The following SERHL2 variants were observed in gnomAD, a reference collection of about 807,000 sequenced individuals.
SERHL2 encodes serine hydrolase-like protein 2.
SERHL2 carries 29 observed loss-of-function variants against 25.5 expected under a neutral mutation model. The observed-to-expected ratio is 1.14, with a 90% CI of 0.85 to 1.55. The LOEUF is 1.55. Ranked by LOEUF, SERHL2 falls within the 40% of genes most tolerant of loss-of-function variation. The pLI is 0.00. For missense variants in SERHL2, 240 were observed against 252.3 expected, an observed-to-expected ratio of 0.95 and a Z score of 0.33; for synonymous variants, 95 against 103.5, an observed-to-expected ratio of 0.92 and a Z score of 0.50.
Position 42,573,968 on chromosome 22 carries a change from C to G in SERHL2, c.858C>G (p.His286Gln), listed in dbSNP as rs773799537. The G allele has an allele frequency of 2.5e-5, 39 of 1,588,530 alleles. No homozygotes were observed. The highest frequency in any genetic ancestry group is 3.4e-5 in the Non-Finnish European group (39 of 1,159,262). ...AGTTTGTGGAAGTCCCAGGCAATCA[C>G]TGTGTCCACATGAGCGAACCCCAGC... ...QFQFVEVPGN[H>Q]CVHMSEPQHV... The change falls in exon 12 of 12, where the codon CAC becomes CAG. Residue 286 changes from histidine (H) to glutamine (Q), a missense_variant. His to Gln is a conservative substitution (Grantham distance 24). This residue lies in a region of SERHL2 where 212 missense variants were observed against 168.9 expected (regional missense o/e 1.25). Coordinates refer to ENST00000327678, the MANE Select transcript of SERHL2 (RefSeq NM_014509.5).
At chr22:42,566,380 G>GT (rs1343638509) in intron 9 of SERHL2, 42 bp downstream of exon 9, 1 of 1,603,008 alleles carries the variant, frequency 6.2e-7, no homozygotes, top group East Asian at 2.2e-5. Flanking sequence ...AGGTTTGCCT[G>GT]TTAGCGTCTT....
intron 1 of SERHL2, 137 bp downstream of exon 1, chr22:42,554,179 CG>C (rs1314970701): frequency 2.7e-6 from 3 of 1,123,994 alleles, no homozygotes; most frequent in Non-Finnish European, 3.8e-6. Context: ...TCGGCAGTCC[CG>C]GGGCATGAGA....
Position 42,556,648 on chromosome 22 carries a change from T to G in SERHL2, c.423+60T>G. 11 of 1,374,572 alleles carry G rather than the reference T, an allele frequency of 8.0e-6. No homozygotes were observed. The South Asian group carries it at 1.4e-4, about 17-fold the overall frequency. The allele number at this position is 1,374,572 out of a possible 1,614,324, so 85.1% of individuals were successfully genotyped here. ...GGAGGACCTGGGCCCCGGGCAGCGC[T>G]CCCAGCCCTGTCTCCTTTGGTGGAC... On this transcript the variant is annotated intron_variant, in intron 6 of 11. Coordinates refer to ENST00000327678, the MANE Select transcript of SERHL2 (RefSeq NM_014509.5).
chr22:42,565,859 T>C (rs1464173380), intron 8 of SERHL2, among the ~76,000 whole-genome samples: 1 of 151,798 alleles, frequency 6.6e-6, no homozygotes, highest in Non-Finnish European at 1.5e-5. Flanking sequence ...TAGTGGTTTT[T>C]GTTTGATTTT....
intron 8 of SERHL2, among the ~76,000 whole-genome samples, chr22:42,562,827 TGA>T (rs1569277091): frequency 6.6e-6 from 1 of 151,918 alleles, no homozygotes; most frequent in Non-Finnish European, 1.5e-5. Flanking sequence ...GAAACCATCT[TGA>T]GGTGTTCCCA....
At chr22:42,567,405 C>T (rs1180174155) in intron 9 of SERHL2, among the ~76,000 whole-genome samples, 1 of 151,870 alleles carries the variant, frequency 6.6e-6, no homozygotes, top group Non-Finnish European at 1.5e-5. Context: ...TGGCTCACGC[C>T]TGTAGTCCCA....
intron 8 of SERHL2, among the ~76,000 whole-genome samples, chr22:42,564,721 G>A (rs1167085190): frequency 6.6e-5 from 10 of 151,912 alleles, no homozygotes; most frequent in Non-Finnish European, 1.2e-4. Flanking sequence ...GTGAGCCACC[G>A]CACCCGGCCT....
At position 42,571,528 on chromosome 22, in the gene SERHL2, C is replaced by T. The variant is rs1304084055; in HGVS notation, c.731+325C>T. 2.1e-5 allele frequency: 22 copies of T among 1,060,542 alleles called. No homozygotes were observed. The East Asian group carries it at 2.7e-4, about 13-fold the overall frequency. 65.7% of individuals were successfully genotyped at this position (1,060,542 alleles called of 1,614,324 possible). On this transcript the variant is annotated intron_variant, in intron 10 of 11. Coordinates refer to ENST00000327678, the MANE Select transcript of SERHL2 (RefSeq NM_014509.5). ...GCAACCTCTGTCTCCTGGATTCAAA[C>T]GATTCTCCTGCCTCAGCCTCCCGAG... is the stretch of plus-strand genomic sequence containing the variant.
chr22:42,566,395 G>A lies in SERHL2; in HGVS notation c.648+57G>A, dbSNP rs112274656. 4.2e-5 allele frequency: 67 copies of A among 1,581,940 alleles called. 1 individual carries two copies. The highest frequency in any genetic ancestry group is 1.5e-4 in the African/African-American group (11 of 74,422). ...AGGTTTGCCTGTTAGCGTCTTTGTC[G>A]TTTTTGAAAATTACAGGCCAGGCGT... On this transcript the variant is annotated intron_variant, in intron 9 of 11. Transcript: ENST00000327678.
chr22:42,563,001 C>T (rs1481855698), intron 8 of SERHL2, among the ~76,000 whole-genome samples: 1 of 151,704 alleles, frequency 6.6e-6, no homozygotes, highest in Non-Finnish European at 1.5e-5. Context: ...CAAGACCAGC[C>T]TGGGCAATAT....
intron 8 of SERHL2, 41 bp downstream of exon 8, chr22:42,560,306 C>G: frequency 6.9e-7 from 1 of 1,446,480 alleles, no homozygotes; most frequent in Non-Finnish European, 9.7e-7. Context: ...ATATTTGTCA[C>G]TATTCTTACC....
In SERHL2 at chr22:42,571,302, G is replaced by A. The variant is rs138299753; in HGVS notation, c.731+99G>A. On this transcript the variant is annotated intron_variant, in intron 10 of 11. Coordinates refer to ENST00000327678, the MANE Select transcript of SERHL2 (RefSeq NM_014509.5). ...TGGCATGAGGCTCCAAGTTCTCTGCGTGTCGACCACATCGCTAAGGCTCAA... is the reference window on the plus strand; with the variant it reads ...TGGCATGAGGCTCCAAGTTCTCTGCATGTCGACCACATCGCTAAGGCTCAA... 68 of 1,572,928 alleles carry A rather than the reference G, an allele frequency of 4.3e-5. 1 individual carries two copies. In the East Asian group the frequency reaches 1.1e-3, roughly 26 times the overall value.
intron 8 of SERHL2, 68 bp downstream of exon 8, chr22:42,560,333 T>C: frequency 8.2e-7 from 1 of 1,220,298 alleles, no homozygotes; most frequent in Non-Finnish European, 1.2e-6. Flanking sequence ...GTCAAGGACT[T>C]GCCTTAGACC....
At chr22:42,564,640 A>T (rs556119375) in intron 8 of SERHL2, among the ~76,000 whole-genome samples, 1 of 151,914 alleles carries the variant, frequency 6.6e-6, no homozygotes, top group Non-Finnish European at 1.5e-5. Flanking sequence ...CATGTTGGCC[A>T]GGCTGGTCTC....
intron 9 of SERHL2, 101 bp downstream of exon 9, chr22:42,566,439 TC>T: frequency 8.7e-7 from 1 of 1,155,984 alleles, no homozygotes; most frequent in Non-Finnish European, 1.3e-6. Flanking sequence ...ACGCCTGTAA[TC>T]CCAGCTACTC....
chr22:42,567,412 C>A (rs955187023), intron 9 of SERHL2, among the ~76,000 whole-genome samples: 1 of 151,834 alleles, frequency 6.6e-6, no homozygotes, highest in African/African-American at 2.4e-5. Context: ...CGCCTGTAGT[C>A]CCAGCACTTT....
chr22:42,567,324 G>C (rs1437014638), intron 9 of SERHL2, among the ~76,000 whole-genome samples: 1 of 152,010 alleles, frequency 6.6e-6, no homozygotes, highest in East Asian at 1.9e-4. Flanking sequence ...CATGGTGTCA[G>C]ATAGTGATTC....
intron 1 of SERHL2, 96 bp downstream of exon 1, chr22:42,554,138 C>T (rs1335743254): frequency 1.7e-5 from 24 of 1,433,380 alleles, no homozygotes; most frequent in Non-Finnish European, 1.2e-5. Context: ...TCGCCGACCG[C>T]GTCGCCCTCC....
Position 42,553,986 on chromosome 22 carries a change from G to C in SERHL2, c.-35G>C. The C allele has an allele frequency of 6.2e-7, 1 of 1,612,946 alleles. No individual in the cohort carries two copies. Among genetic ancestry groups the C allele is most frequent in the Middle Eastern group, 1.7e-4 (1 of 6,048 alleles). ...GCTCCTGCGACCTAGCCAGGCGTGA[G>C]GGAGTGACAGCAGCGCATTCGCGGG... On this transcript the variant is annotated 5_prime_UTR_variant, in exon 1 of 12. Transcript: ENST00000327678.
Sources: gnomAD v4.1 joint callset for allele counts (sites outside exome capture counted in the v4.1 genomes callset) on GRCh38, gnomAD v4.1.1 for gene constraint, gnomAD v4.1.1 regional missense constraint, MANE v1.5 for transcripts, NCBI Gene and HGNC (gene_info 2026-07-23, HGNC 2026-07-21) for gene names.